Variants in SPAG7 observed in about 807,000 individuals in gnomAD.
SPAG7 encodes sperm-associated antigen 7.
In SPAG7, 20 loss-of-function variants were observed where a neutral mutation model predicts 30.6. That is an observed-to-expected ratio of 0.65 (90% CI 0.46 to 0.95). SPAG7 has a LOEUF of 0.95. Ranked by LOEUF, SPAG7 falls within the 40% of genes least tolerant of loss-of-function variation. The probability of loss-of-function intolerance (pLI) is 0.00; values close to 1 mark genes in which losing one functional copy is unlikely to be tolerated. For synonymous variants in SPAG7, 127 were observed against 104.2 expected (o/e 1.22, Z -1.33); for missense variants, 276 against 291.1 (o/e 0.95, Z 0.38).
At chr17:4,960,734 C>T in intron 2 of SPAG7, 52 bp downstream of exon 2, 1 of 1,552,340 alleles carries the variant, frequency 6.4e-7, no homozygotes, top group Non-Finnish European at 8.9e-7. Flanking sequence ...CCAATTTTAA[C>T]TTATTGGAAG....
At chr17:4,967,474 G>A (rs1323727889) in intron 1 of SPAG7, among the ~76,000 whole-genome samples, 1 of 152,200 alleles carries the variant, frequency 6.6e-6, no homozygotes, top group African/African-American at 2.4e-5. Flanking sequence ...CGGCTAATGG[G>A]AAACAAGGAC....
chr17:4,961,591 T>TA lies in SPAG7; in HGVS notation c.86-739dup, dbSNP rs879358196. Reference sequence around the variant, plus strand: ...TAACACGGTGAAACCCTGTCTCTACTAAAAAAAAAAAAATATACAAAAAAT... The same window carrying TA: ...TAACACGGTGAAACCCTGTCTCTACTAAAAAAAAAAAAAATATACAAAAAAT... On this transcript the variant is annotated intron_variant, in intron 1 of 6. Transcript: ENST00000206020. 3.2e-3 allele frequency among the ~76,000 whole-genome samples: 409 copies of TA among 129,326 alleles called. 2 individuals carry two copies. The highest frequency in any genetic ancestry group is 8.9e-3 in the African/African-American group (310 of 34,724). 84.8% of individuals were successfully genotyped at this position (129,326 alleles called of 152,430 possible). A position where few individuals can be genotyped will look rare whatever the true frequency, so the allele number is the denominator to read the frequency against.
chr17:4,964,641 G>A (rs1029280398), intron 1 of SPAG7, among the ~76,000 whole-genome samples: 2 of 152,024 alleles, frequency 1.3e-5, no homozygotes, highest in African/African-American at 4.8e-5. Flanking sequence ...GATTATAGGC[G>A]TGAGCCACCG....
At position 4,967,780 on chromosome 17, in the gene SPAG7, G is replaced by C; in HGVS notation, c.25C>G (p.Leu9Val). Reference protein sequence around the residue: MADLLGSILSSMEKPPSLG... With the variant: MADLLGSIVSSMEKPPSLG... ...CTGGGTGGCTTCTCCATGGAGCTCA[G>C]GATGGAGCCCAGTAGGTCCGCCATC... is the stretch of plus-strand genomic sequence containing the variant. The change falls in exon 1 of 7, where the codon CTG becomes GTG. Residue 9 changes from leucine (L) to valine (V), a missense_variant. Coordinates refer to ENST00000206020, the MANE Select transcript of SPAG7 (RefSeq NM_004890.3). 1.2e-6 allele frequency: 2 copies of C among 1,613,982 alleles called. No homozygotes were observed. The highest frequency in any genetic ancestry group is 1.7e-6 in the Non-Finnish European group (2 of 1,179,852).
At chr17:4,963,703 T>C (rs1489500276) in intron 1 of SPAG7, among the ~76,000 whole-genome samples, 4 of 152,088 alleles carry the variant, frequency 2.6e-5, no homozygotes, top group Non-Finnish European at 4.4e-5. Flanking sequence ...GTGATCCACC[T>C]GCCTCGGCCT....
In SPAG7 at chr17:4,960,552, G is replaced by T; in HGVS notation, c.154-5C>A. ...ATCTGACACCTCCTTCTCCATCTTG[G>T]GAGAGGGGAAAGGAAGCAGATATGA... On this transcript the variant is annotated splice_polypyrimidine_tract_variant and splice_region_variant and intron_variant, in intron 2 of 6. Transcript: ENST00000206020. 1.9e-6 allele frequency: 3 copies of T among 1,603,616 alleles called. No homozygotes were observed. Among genetic ancestry groups the T allele is most frequent in the African/African-American group, 1.3e-5 (1 of 74,190 alleles).
intron 1 of SPAG7, among the ~76,000 whole-genome samples, chr17:4,965,095 A>G (rs1006477608): frequency 6.6e-6 from 1 of 151,938 alleles, no homozygotes; most frequent in Non-Finnish European, 1.5e-5. Flanking sequence ...TTTTTAGTAG[A>G]GATGGGCTTT....
At chr17:4,965,249 A>G (rs1971931009) in intron 1 of SPAG7, among the ~76,000 whole-genome samples, 1 of 151,734 alleles carries the variant, frequency 6.6e-6, no homozygotes, top group East Asian at 1.9e-4. Context: ...ATGTTTCGCC[A>G]TGTTGGCCAG....
intron 1 of SPAG7, chr17:4,965,805 G>A (rs1971939489): frequency 6.7e-6 from 1 of 149,418 alleles, no homozygotes; most frequent in East Asian, 2.0e-4. Context: ...CCATAGGAGC[G>A]CGCCACCAAG....
intron 1 of SPAG7, among the ~76,000 whole-genome samples, chr17:4,963,113 C>T (rs1971891458): frequency 1.3e-5 from 2 of 151,858 alleles, no homozygotes; most frequent in Non-Finnish European, 2.9e-5. Context: ...AATGTTTGGG[C>T]TGAGCGTGGT....
chr17:4,967,498 G>A (rs1316446412), intron 1 of SPAG7, among the ~76,000 whole-genome samples: 2 of 152,172 alleles, frequency 1.3e-5, no homozygotes, highest in Non-Finnish European at 2.9e-5. Context: ...GGAAGGCCAG[G>A]GTCGGGAGAA....
intron 1 of SPAG7, among the ~76,000 whole-genome samples, chr17:4,961,334 A>AT (rs1443247802): frequency 1.3e-5 from 2 of 150,032 alleles, no homozygotes; most frequent in Non-Finnish European, 3.0e-5. Context: ...GTGGGCGCCT[A>AT]TAATTCCAGC....
Position 4,959,920 on chromosome 17 carries a change from G to C in SPAG7, c.418-4C>G, listed in dbSNP as rs12936149. ...CCTCTTGCCTCTGGGCCAGCTCCTA[G>C]GGGTGAAAGTGGGGGCACTGGTGCT... is the stretch of plus-strand genomic sequence containing the variant. On this transcript the variant is annotated splice_polypyrimidine_tract_variant and splice_region_variant and intron_variant, in intron 5 of 6. Transcript: ENST00000206020. 1.1e-5 allele frequency: 17 copies of C among 1,612,890 alleles called. No individual in the cohort carries two copies. The highest frequency in any genetic ancestry group is 1.4e-5 in the Non-Finnish European group (16 of 1,179,904).
chr17:4,964,190 C>A (rs1283428692), intron 1 of SPAG7, among the ~76,000 whole-genome samples: 2 of 152,030 alleles, frequency 1.3e-5, no homozygotes, highest in Non-Finnish European at 2.9e-5. Context: ...CAGATCCCCT[C>A]TGCCTCTGGA....
chr17:4,961,854 GCT>G (rs993638324), intron 1 of SPAG7, among the ~76,000 whole-genome samples: 1 of 150,626 alleles, frequency 6.6e-6, no homozygotes, highest in African/African-American at 2.4e-5. Context: ...TTGTGGCTAT[GCT>G]CTCTCTCTCT....
In SPAG7 at chr17:4,963,356, C is replaced by A. The variant is rs892623033; in HGVS notation, c.86-2503G>T. On this transcript the variant is annotated intron_variant, in intron 1 of 6. Transcript: ENST00000206020. ...AGCAAGACCCTGTCAAAAACAAAAA[C>A]AAAAACAAACCATAATGCATCTGGG... 2.3e-4 allele frequency among the ~76,000 whole-genome samples: 35 copies of A among 150,248 alleles called. 1 individual carries two copies. Among genetic ancestry groups the A allele is most frequent in the Non-Finnish European group, 3.2e-4 (22 of 67,696 alleles).
intron 1 of SPAG7, chr17:4,966,243 G>C (rs1971949171): frequency 6.6e-6 from 1 of 152,260 alleles, no homozygotes; most frequent in African/African-American, 2.4e-5. Flanking sequence ...CTCCCAAAGT[G>C]GTGGTATTAA....
At position 4,959,388 on chromosome 17, in the gene SPAG7, C is replaced by G. The variant is rs972340380; in HGVS notation, c.*146G>C. ...TATCCAAGCTCCAACGGTGACAAATCAAACACCTGTTTTCCCCCAGCCTGA... is the reference window on the plus strand; with the variant it reads ...TATCCAAGCTCCAACGGTGACAAATGAAACACCTGTTTTCCCCCAGCCTGA... On this transcript the variant is annotated 3_prime_UTR_variant, in exon 7 of 7. Transcript: ENST00000206020. 2 of 658,514 alleles carry G rather than the reference C, an allele frequency of 3.0e-6. No individual in the cohort carries two copies. The highest frequency in any genetic ancestry group is 5.3e-6 in the Non-Finnish European group (2 of 374,858). 40.8% of individuals were successfully genotyped at this position (658,514 alleles called of 1,614,324 possible).
chr17:4,966,653 GC>G, intron 1 of SPAG7: 1 of 985,388 alleles, frequency 1.0e-6, no homozygotes, highest in Non-Finnish European at 1.2e-6. Flanking sequence ...TCAGGTGGCC[GC>G]TCTCACAGTT....
Sources: gnomAD v4.1 joint callset for allele counts (sites outside exome capture counted in the v4.1 genomes callset) on GRCh38, gnomAD v4.1.1 for gene constraint, MANE v1.5 for transcripts, NCBI Gene and HGNC (gene_info 2026-07-23, HGNC 2026-07-21) for gene names.